ZC3H12C: variants seen among roughly 807,000 people sequenced by gnomAD.
The protein encoded by ZC3H12C is probable ribonuclease ZC3H12C.
In ZC3H12C, 20 loss-of-function variants were observed where a neutral mutation model predicts 76.3. That is an observed-to-expected ratio of 0.26 (90% CI 0.18 to 0.38). The LOEUF (loss-of-function observed/expected upper bound fraction) is 0.38. Ranked by LOEUF, ZC3H12C falls within the 10% of genes least tolerant of loss-of-function variation. ZC3H12C has a pLI of 1.00. For synonymous variants in ZC3H12C, 352 were observed against 399.6 expected, an observed-to-expected ratio of 0.88 and a Z score of 1.42; for missense variants, 874 against 1,086.5, an observed-to-expected ratio of 0.80 and a Z score of 2.75.
intron 3 of ZC3H12C, among the ~76,000 whole-genome samples, chr11:110,156,655 C>T: frequency 6.6e-6 from 1 of 152,294 alleles, no homozygotes; most frequent in Middle Eastern, 3.4e-3. Context: ...GACGAAAGAA[C>T]TGAAAGACTT....
At chr11:110,144,450 T>C (rs1862125230) in intron 2 of ZC3H12C, among the ~76,000 whole-genome samples, 1 of 152,114 alleles carries the variant, frequency 6.6e-6, no homozygotes, top group Non-Finnish European at 1.5e-5. Context: ...CACAGAAAAG[T>C]GGTAAAGAAA....
intron 2 of ZC3H12C, among the ~76,000 whole-genome samples, chr11:110,146,625 T>C (rs1044955115): frequency 6.6e-6 from 1 of 152,228 alleles, no homozygotes; most frequent in African/African-American, 2.4e-5. Context: ...ACCTATTGAC[T>C]TTTCATTAGA....
intron 1 of ZC3H12C, among the ~76,000 whole-genome samples, chr11:110,134,942 T>G (rs1861928525): frequency 6.6e-6 from 1 of 152,214 alleles, no homozygotes; most frequent in African/African-American, 2.4e-5. Context: ...TTTCATTACT[T>G]GACTCTCTAA....
At chr11:110,140,719 C>A (rs750831190) in intron 2 of ZC3H12C, among the ~76,000 whole-genome samples, 27 of 152,278 alleles carry the variant, frequency 1.8e-4, no homozygotes, top group Middle Eastern at 3.4e-3. Flanking sequence ...CTTATTTTTG[C>A]ATGTTCGTGT....
At chr11:110,137,667 C>A (rs573181257) in intron 2 of ZC3H12C, among the ~76,000 whole-genome samples, 5 of 152,162 alleles carry the variant, frequency 3.3e-5, no homozygotes, top group Admixed American at 3.3e-4. Flanking sequence ...GGCTAAATTT[C>A]TATGGTATAA....
At chr11:110,136,104 T>C (rs1861954237) in intron 1 of ZC3H12C, 1 of 152,304 alleles carries the variant, frequency 6.6e-6, no homozygotes, top group Non-Finnish European at 1.5e-5. Flanking sequence ...TATGTTATTT[T>C]TGAAAGTTCT....
chr11:110,132,926 G>A lies in ZC3H12C; in HGVS notation c.22-3737G>A, dbSNP rs538511524. Among the ~76,000 whole-genome samples the A allele has an allele frequency of 2.6e-4, 39 of 151,952 alleles. No homozygotes were observed. The East Asian group carries it at 3.3e-3, about 13-fold the overall frequency. On this transcript the variant is annotated intron_variant, in intron 1 of 5. Coordinates refer to ENST00000278590, the MANE Select transcript of ZC3H12C (RefSeq NM_033390.2). The stretch of plus-strand genomic sequence containing the variant: ...TTTTGTGTTGTTAATGGTCTTTTCC[G>A]TTCTTTTAAAAGTTATATTAATCAT...
intron 4 of ZC3H12C, 49 bp from the exon 5 acceptor site, chr11:110,163,224 A>G: frequency 6.8e-7 from 1 of 1,475,848 alleles, no homozygotes. Flanking sequence ...TTAGAATTAA[A>G]TTATCAGCCT....
Position 110,169,824 on chromosome 11 carries a change from A to G in ZC3H12C, c.*4087A>G, listed in dbSNP as rs1050362246. The G allele has an allele frequency of 2.2e-4, 33 of 152,238 alleles. No individual in the cohort carries two copies. The highest frequency in any genetic ancestry group is 2.6e-4 in the Admixed American group (4 of 15,282). 9.4% of individuals were successfully genotyped at this position (152,238 alleles called of 1,614,324 possible). A position where few individuals can be genotyped will look rare whatever the true frequency, so the allele number is the denominator to read the frequency against. On this transcript the variant is annotated 3_prime_UTR_variant, in exon 6 of 6. Coordinates refer to ENST00000278590, the MANE Select transcript of ZC3H12C (RefSeq NM_033390.2). ...TTTTCTGTAAAGGATCAGATAGTAA[A>G]TAATACAGGAATCATATGGACTTCA...
chr11:110,139,258 C>A (rs1862026131), intron 2 of ZC3H12C, among the ~76,000 whole-genome samples: 1 of 152,112 alleles, frequency 6.6e-6, no homozygotes, highest in South Asian at 2.1e-4. Context: ...AAATGGAATT[C>A]AAACCCAAAA....
chr11:110,120,844 G>C (rs1022565791), intron 1 of ZC3H12C, among the ~76,000 whole-genome samples: 2 of 152,150 alleles, frequency 1.3e-5, no homozygotes, highest in Non-Finnish European at 1.5e-5. Context: ...GCCAGACCCT[G>C]TGCAAAACTC....
intron 1 of ZC3H12C, among the ~76,000 whole-genome samples, chr11:110,115,748 CT>C (rs71476067): frequency 0.045 from 5,468 of 120,440 alleles, 125 homozygotes; most frequent in African/African-American, 0.12. Context: ...TTCTCATTTT[CT>C]TTTTTTTTTT....
chr11:110,113,710 G>A (rs919813444), intron 1 of ZC3H12C, among the ~76,000 whole-genome samples: 1 of 152,102 alleles, frequency 6.6e-6, no homozygotes, highest in Non-Finnish European at 1.5e-5. Flanking sequence ...TCTTCTCTGT[G>A]CCATCAGTTA....
intron 1 of ZC3H12C, among the ~76,000 whole-genome samples, chr11:110,115,839 C>A (rs1277187845): frequency 1.3e-5 from 2 of 149,794 alleles, no homozygotes; most frequent in African/African-American, 4.9e-5. Context: ...TGGCTCACTG[C>A]AACCTTCGCC....
intron 3 of ZC3H12C, among the ~76,000 whole-genome samples, chr11:110,157,167 A>G (rs1862391984): frequency 6.9e-6 from 1 of 145,616 alleles, no homozygotes; most frequent in Admixed American, 6.9e-5. Flanking sequence ...TGACGGAGCA[A>G]GACTCCGTCT....
intron 2 of ZC3H12C, among the ~76,000 whole-genome samples, chr11:110,149,692 T>C (rs1182845984): frequency 6.6e-6 from 1 of 152,260 alleles, no homozygotes; most frequent in Non-Finnish European, 1.5e-5. Context: ...TTTCCTCTTC[T>C]GTGAATTGAT....
intron 3 of ZC3H12C, among the ~76,000 whole-genome samples, chr11:110,156,966 G>A (rs1464268271): frequency 6.6e-6 from 1 of 152,122 alleles, no homozygotes; most frequent in Non-Finnish European, 1.5e-5. Flanking sequence ...GGATCACGAG[G>A]TCAGGAGTTC....
intron 2 of ZC3H12C, among the ~76,000 whole-genome samples, chr11:110,137,860 A>G (rs1176752747): frequency 6.6e-6 from 1 of 152,210 alleles, no homozygotes; most frequent in African/African-American, 2.4e-5. Flanking sequence ...CCAAAGCTGT[A>G]GTTTGAATTG....
chr11:110,093,409 G>T lies in ZC3H12C; in HGVS notation c.-3G>T. 1.7e-6 allele frequency: 2 copies of T among 1,198,196 alleles called. No individual in the cohort carries two copies. The highest frequency in any genetic ancestry group is 8.3e-5 in the South Asian group (2 of 24,154). 74.2% of individuals were successfully genotyped at this position (1,198,196 alleles called of 1,614,324 possible). On this transcript the variant is annotated 5_prime_UTR_variant, in exon 1 of 6. Transcript: ENST00000278590. ...CGCTCGCCGCTTTCTCGCGGGGCTG[G>T]CTATGCCGGGTGGCGGCTCCCAGGT...
Sources: allele counts gnomAD v4.1 joint callset (sites outside exome capture counted in the v4.1 genomes callset), GRCh38; gene constraint gnomAD v4.1.1; transcripts MANE v1.5; gene names NCBI Gene and HGNC (gene_info 2026-07-23, HGNC 2026-07-21).